Variants in RPS6KA2 observed in about 807,000 individuals in gnomAD.
RPS6KA2 encodes ribosomal protein S6 kinase alpha-2.
A neutral mutation model predicts 91.8 loss-of-function variants in RPS6KA2; 42 were observed. The ratio of observed to expected loss-of-function variants is 0.46; its 90% CI spans 0.36 to 0.59. The LOEUF (loss-of-function observed/expected upper bound fraction) is 0.59, where lower values mean the gene tolerates loss of function less well. Ranked by LOEUF, RPS6KA2 falls within the 20% of genes least tolerant of loss-of-function variation. The pLI is 0.00. For synonymous variants in RPS6KA2, 414 were observed against 393.6 expected, an observed-to-expected ratio of 1.05 and a Z score of -0.61; for missense variants, 798 against 978.5, an observed-to-expected ratio of 0.82 and a Z score of 2.46.
At chr6:166,593,195 T>C (rs539405507) in intron 1 of RPS6KA2, among the ~76,000 whole-genome samples, 10 of 152,356 alleles carry the variant, frequency 6.6e-5, no homozygotes, top group African/African-American at 2.4e-4. Flanking sequence ...CATATACTTT[T>C]GGATTCTAAG....
chr6:166,432,901 A>G (rs1419727213), intron 14 of RPS6KA2, among the ~76,000 whole-genome samples: 1 of 151,326 alleles, frequency 6.6e-6, no homozygotes, highest in Non-Finnish European at 1.5e-5. Context: ...AGGCTGAGGC[A>G]TGAGAATCAC....
At position 166,448,901 on chromosome 6, in the gene RPS6KA2, C is replaced by A; in HGVS notation, c.1207-52G>T. The A allele has an allele frequency of 1.2e-6, 2 of 1,602,970 alleles. No individual in the cohort carries two copies. The highest frequency in any genetic ancestry group is 1.7e-6 in the Non-Finnish European group (2 of 1,172,696). On this transcript the variant is annotated intron_variant, in intron 13 of 20. Coordinates refer to ENST00000265678, the MANE Select transcript of RPS6KA2 (RefSeq NM_021135.6). The surrounding 1 kb of genome is among the most constrained non-coding windows in gnomAD (Gnocchi z 4.7). ...TTGTCGGAACCCTCACACGAGGGGA[C>A]GGTGCAGCTACACGCACACAGAATG...
At chr6:166,717,802 T>C (rs1303889780) in intron 2 of RPS6KA2, among the ~76,000 whole-genome samples, 2 of 152,146 alleles carry the variant, frequency 1.3e-5, no homozygotes, top group African/African-American at 4.8e-5. Context: ...TATAGATTTT[T>C]CGCCGATGAT....
At chr6:166,577,836 T>G (rs1379149233) in intron 1 of RPS6KA2, among the ~76,000 whole-genome samples, 1 of 152,234 alleles carries the variant, frequency 6.6e-6, no homozygotes, top group Non-Finnish European at 1.5e-5. Context: ...AGTTTGGTTC[T>G]GCATCTCCAT....
At chr6:166,521,913 C>T (rs1000073026) in intron 3 of RPS6KA2, among the ~76,000 whole-genome samples, 1 of 152,254 alleles carries the variant, frequency 6.6e-6, no homozygotes, top group Non-Finnish European at 1.5e-5. Context: ...GTGATTAGGT[C>T]AGAAGGGTGG....
Position 166,635,847 on chromosome 6 carries a change from G to A in RPS6KA2, c.124-97063C>T, listed in dbSNP as rs1042157985. 1.5e-4 allele frequency among the ~76,000 whole-genome samples: 23 copies of A among 151,942 alleles called. No individual in the cohort carries two copies. Among genetic ancestry groups the A allele is most frequent in the East Asian group, 1.9e-4 (1 of 5,162 alleles). ...CCAGGAGGGTGACCTGGGTGTGTCC[G>A]GTAAAGGGTGTCTTAAGTCTGACCC... On this transcript the variant is annotated intron_variant, in intron 2 of 21. Coordinates refer to the RPS6KA2 transcript ENST00000503859. The surrounding 1 kb of genome is among the most constrained non-coding windows in gnomAD (Gnocchi z 4.8).
chr6:166,586,264 C>T lies in RPS6KA2; in HGVS notation c.99+40657G>A, dbSNP rs1051758325. On this transcript the variant is annotated intron_variant, in intron 1 of 20. Transcript: ENST00000265678. Reference sequence around the variant, plus strand: ...TTGGATCGATTGTCACTTGGCCACCCCCATCTGTTGTCCCTGCCTCTGAAC... The same window carrying T: ...TTGGATCGATTGTCACTTGGCCACCTCCATCTGTTGTCCCTGCCTCTGAAC... The T allele has an allele frequency of 2.5e-6, 4 of 1,596,962 alleles. No individual in the cohort carries two copies. In the African/African-American group the frequency reaches 6.8e-5, roughly 27 times the overall value.
intron 2 of RPS6KA2, among the ~76,000 whole-genome samples, chr6:166,667,063 G>T (rs1788337751): frequency 6.6e-6 from 1 of 152,236 alleles, no homozygotes. Flanking sequence ...TAGAGACAGA[G>T]AGTGGAATGG....
intron 2 of RPS6KA2, chr6:166,702,932 T>G (rs1789568942): frequency 1.6e-6 from 1 of 625,884 alleles, no homozygotes; most frequent in African/African-American, 1.8e-5. Flanking sequence ...TTTGTTCCCC[T>G]CGTCTTCTCG....
intron 2 of RPS6KA2, among the ~76,000 whole-genome samples, chr6:166,854,478 C>T (rs866002008): frequency 4.2e-5 from 4 of 96,044 alleles, no homozygotes; most frequent in Middle Eastern, 5.7e-3. Flanking sequence ...GCAAGCCTCG[C>T]TCACCTTTTT....
At position 166,639,715 on chromosome 6, in the gene RPS6KA2, C is replaced by T. The variant is rs1029163309; in HGVS notation, c.124-100931G>A. Among the ~76,000 whole-genome samples, 4 of 152,298 alleles carry T rather than the reference C, an allele frequency of 2.6e-5. No individual in the cohort carries two copies. The South Asian group carries it at 6.2e-4, about 24-fold the overall frequency. Reference sequence around the variant, plus strand: ...GCAGTGGCCACGGCTGTCCTTCCTGCCCGCTCTGCCTCTGCCCACTGGCCA... The same window carrying T: ...GCAGTGGCCACGGCTGTCCTTCCTGTCCGCTCTGCCTCTGCCCACTGGCCA... On this transcript the variant is annotated intron_variant, in intron 2 of 21. Transcript: ENST00000503859. This position sits in a 1 kb window ranked among gnomAD's most constrained non-coding sequence, Gnocchi z 4.2.
intron 8 of RPS6KA2, among the ~76,000 whole-genome samples, chr6:166,496,112 AGGCCGAG>A (rs563355280): frequency 1.3e-5 from 2 of 152,306 alleles, no homozygotes; most frequent in South Asian, 4.1e-4. Flanking sequence ...GCACTTCTGG[AGGCCGAG>A]GCTGGCAGAC....
At chr6:166,524,135 C>T (rs1305931591) in intron 3 of RPS6KA2, among the ~76,000 whole-genome samples, 1 of 152,214 alleles carries the variant, frequency 6.6e-6, no homozygotes, top group Non-Finnish European at 1.5e-5. Flanking sequence ...CCATCAGTGA[C>T]TTGACTTGCT....
At chr6:166,616,149 G>GC (rs946601822) in intron 1 of RPS6KA2, among the ~76,000 whole-genome samples, 3 of 152,286 alleles carry the variant, frequency 2.0e-5, no homozygotes, top group African/African-American at 7.2e-5. Context: ...CCACCTGAGA[G>GC]CCCCCCAGCA....
intron 16 of RPS6KA2, among the ~76,000 whole-genome samples, chr6:166,428,521 T>C (rs1779006610): frequency 7.3e-6 from 1 of 137,656 alleles, no homozygotes; most frequent in African/African-American, 2.8e-5. Context: ...ACAGGCAACC[T>C]ACAAAATGGG....
intron 10 of RPS6KA2, 48 bp downstream of exon 10, chr6:166,488,785 G>C (rs201101796): frequency 6.8e-7 from 1 of 1,467,052 alleles, no homozygotes; most frequent in African/African-American, 1.4e-5. Flanking sequence ...TAGCTTGCGG[G>C]GCAGCGCCCT....
intron 2 of RPS6KA2, among the ~76,000 whole-genome samples, chr6:166,816,527 C>T (rs1241514218): frequency 6.6e-6 from 1 of 151,472 alleles, no homozygotes; most frequent in Non-Finnish European, 1.5e-5. Context: ...TGCACTCCAG[C>T]CTGGGTGACA....
At chr6:166,654,986 C>A (rs952634447) in intron 2 of RPS6KA2, among the ~76,000 whole-genome samples, 5 of 152,062 alleles carry the variant, frequency 3.3e-5, no homozygotes, top group African/African-American at 9.7e-5. Context: ...TGTCCATTTT[C>A]AAGGCTGAGG....
chr6:166,501,510 G>A (rs1003977724), intron 6 of RPS6KA2, among the ~76,000 whole-genome samples: 2 of 152,190 alleles, frequency 1.3e-5, no homozygotes, highest in African/African-American at 4.8e-5. Context: ...GCACCCCTGC[G>A]GGCCACTGGG....
Sources: allele counts gnomAD v4.1 joint callset (sites outside exome capture counted in the v4.1 genomes callset), GRCh38; gene constraint gnomAD v4.1.1; non-coding constraint Gnocchi (gnomAD v3.1); transcripts MANE v1.5; gene names NCBI Gene and HGNC (gene_info 2026-07-23, HGNC 2026-07-21).